The following CSRNP3 variants were observed in gnomAD, a reference collection of about 807,000 sequenced individuals.
The protein encoded by CSRNP3 is cysteine and serine rich nuclear protein 3, also known as cysteine/serine-rich nuclear protein 3.
Under a neutral mutation model 48.0 loss-of-function variants are expected in CSRNP3, and 12 were observed. The ratio of observed to expected loss-of-function variants is 0.25; its 90% CI spans 0.16 to 0.41. CSRNP3 has a LOEUF of 0.41. Among genes scored for constraint, CSRNP3 ranks in the 10% least tolerant of loss-of-function variants. The probability of loss-of-function intolerance (pLI) is 1.00; values close to 1 mark genes in which losing one functional copy is unlikely to be tolerated. For synonymous variants in CSRNP3, 263 were observed against 269.7 expected (o/e 0.98, Z 0.24); for missense variants, 580 against 724.4 (o/e 0.80, Z 2.29).
chr2:165,479,084 C>G (rs1400497955), intron 1 of CSRNP3, among the ~76,000 whole-genome samples: 1 of 152,134 alleles, frequency 6.6e-6, no homozygotes, highest in Non-Finnish European at 1.5e-5. Flanking sequence ...TCATAACCTA[C>G]TTTTTCTGTA....
rs140866100 is a variant in CSRNP3 at position 165,552,596 on chromosome 2, T to A, written c.-24+34635T>A. 3.2e-3 allele frequency among the ~76,000 whole-genome samples: 490 copies of A among 152,326 alleles called. 1 individual carries two copies. The highest frequency in any genetic ancestry group is 0.011 in the African/African-American group (477 of 41,570). On this transcript the variant is annotated intron_variant, in intron 3 of 6. Transcript: ENST00000651982. The stretch of plus-strand genomic sequence containing the variant: ...AAATTATCATTATCTTCTTAAACAG[T>A]CATCCTGAGACCCTCTATCACCTTC...
intron 4 of CSRNP3, among the ~76,000 whole-genome samples, chr2:165,642,928 G>A (rs773979178): frequency 6.6e-6 from 1 of 152,088 alleles, no homozygotes; most frequent in Non-Finnish European, 1.5e-5. Context: ...TAGAAACTCC[G>A]ATAAAGATTG....
intron 3 of CSRNP3, among the ~76,000 whole-genome samples, chr2:165,559,741 A>T (rs1359544587): frequency 6.8e-6 from 1 of 146,580 alleles, no homozygotes; most frequent in African/African-American, 2.5e-5. Context: ...GTATCTTCCT[A>T]TTCTATTTGT....
Position 165,682,958 on chromosome 2 carries a change from A to G in CSRNP3, c.*3205A>G, listed in dbSNP as rs1687571669. On this transcript the variant is annotated 3_prime_UTR_variant, in exon 7 of 7. Coordinates refer to ENST00000651982, the MANE Select transcript of CSRNP3 (RefSeq NM_001172173.2). ...CATTCACTATCAATTGCAAAGCTTC[A>G]TGCTCCAGCCCTGGCTATTCTAGTA... The G allele has an allele frequency of 6.6e-6, 1 of 152,154 alleles. No individual in the cohort carries two copies. The allele number at this position is 152,154 out of a possible 1,614,324, so 9.4% of individuals were successfully genotyped here.
intron 4 of CSRNP3, among the ~76,000 whole-genome samples, chr2:165,615,618 T>G (rs984857613): frequency 5.9e-5 from 9 of 152,152 alleles, no homozygotes; most frequent in African/African-American, 2.2e-4. Context: ...TATATAATGC[T>G]TTTGTCTCTT....
At chr2:165,521,311 C>G (rs937435417) in intron 3 of CSRNP3, among the ~76,000 whole-genome samples, 1 of 152,170 alleles carries the variant, frequency 6.6e-6, no homozygotes, top group African/African-American at 2.4e-5. Flanking sequence ...TTGTACTCAT[C>G]TGGAAACGTC....
rs1444804611 is a variant in CSRNP3, at chr2:165,676,614, G to T, written c.705+6G>T. 1 of 1,609,592 alleles carries T rather than the reference G, an allele frequency of 6.2e-7. No individual in the cohort carries two copies. The highest frequency in any genetic ancestry group is 1.7e-5 in the Admixed American group (1 of 59,934). On this transcript the variant is annotated splice_donor_region_variant and intron_variant, in intron 6 of 6. Coordinates refer to ENST00000651982, the MANE Select transcript of CSRNP3 (RefSeq NM_001172173.2). ...TGGCTGGCATTAAGTGCCAGGTAAG[G>T]GTTGGGAATTCAGGGCATCCAAAGA... is the stretch of plus-strand genomic sequence containing the variant.
At chr2:165,581,163 A>G (rs1321669470) in intron 3 of CSRNP3, among the ~76,000 whole-genome samples, 1 of 152,194 alleles carries the variant, frequency 6.6e-6, no homozygotes, top group Non-Finnish European at 1.5e-5. Flanking sequence ...CCACTATACC[A>G]TTTTGCCAAA....
chr2:165,560,011 G>A (rs1278152488), intron 3 of CSRNP3, among the ~76,000 whole-genome samples: 2 of 151,896 alleles, frequency 1.3e-5, no homozygotes, highest in African/African-American at 4.8e-5. Flanking sequence ...AAGTTAGCCA[G>A]GATGGTCTCG....
At chr2:165,599,299 A>AAGAAAGAAAGAAAG (rs1224583821) in intron 4 of CSRNP3, among the ~76,000 whole-genome samples, 3 of 148,834 alleles carry the variant, frequency 2.0e-5, no homozygotes, top group African/African-American at 7.4e-5. Flanking sequence ...GAAAGAAAGA[A>AAGAAAGAAAGAAAG]AGAAAGAAAG....
At chr2:165,519,833 A>G in intron 3 of CSRNP3, among the ~76,000 whole-genome samples, 1 of 152,138 alleles carries the variant, frequency 6.6e-6, no homozygotes, top group East Asian at 1.9e-4. Context: ...TACCATGGAG[A>G]AAAGGGAAAA....
intron 5 of CSRNP3, among the ~76,000 whole-genome samples, chr2:165,664,074 A>T (rs1427889689): frequency 1.3e-5 from 2 of 152,170 alleles, no homozygotes; most frequent in Non-Finnish European, 2.9e-5. Flanking sequence ...GGTTGTTGAA[A>T]TTCTCATAAG....
At chr2:165,525,039 A>G (rs899569819) in intron 3 of CSRNP3, among the ~76,000 whole-genome samples, 3 of 152,250 alleles carry the variant, frequency 2.0e-5, no homozygotes, top group South Asian at 4.1e-4. Flanking sequence ...CTAAATTTCT[A>G]CCAGCAAAGG....
chr2:165,526,263 G>A (rs920520958), intron 3 of CSRNP3, among the ~76,000 whole-genome samples: 4 of 152,062 alleles, frequency 2.6e-5, no homozygotes, highest in African/African-American at 7.2e-5. Flanking sequence ...CTACAAAAAA[G>A]CCTGCTGAGA....
intron 3 of CSRNP3, among the ~76,000 whole-genome samples, chr2:165,554,893 TC>T (rs1685142283): frequency 6.6e-6 from 1 of 152,198 alleles, no homozygotes; most frequent in African/African-American, 2.4e-5. Context: ...CTGCTGATTT[TC>T]TCACTTCCCC....
chr2:165,677,169 A>G (rs963482959), intron 6 of CSRNP3, among the ~76,000 whole-genome samples: 2 of 152,198 alleles, frequency 1.3e-5, no homozygotes, highest in African/African-American at 4.8e-5. Flanking sequence ...AGGGGTTGGC[A>G]CCCTATAAGT....
intron 3 of CSRNP3, among the ~76,000 whole-genome samples, chr2:165,584,923 T>C (rs1685603156): frequency 6.6e-6 from 1 of 152,156 alleles, no homozygotes; most frequent in African/African-American, 2.4e-5. Flanking sequence ...TCATAATGTT[T>C]TAAGAAAGTT....
chr2:165,628,354 A>G (rs373913249), intron 4 of CSRNP3, among the ~76,000 whole-genome samples: 5 of 152,202 alleles, frequency 3.3e-5, no homozygotes, highest in Non-Finnish European at 5.9e-5. Flanking sequence ...CAGGTTTTCA[A>G]TTGCTTTCTG....
chr2:165,678,442 G>A (rs987008310), intron 6 of CSRNP3, among the ~76,000 whole-genome samples: 1 of 151,920 alleles, frequency 6.6e-6, no homozygotes, highest in Admixed American at 6.6e-5. Flanking sequence ...CCATGGAGTG[G>A]GTCAGTGAAC....
Sources: allele counts gnomAD v4.1 joint callset (sites outside exome capture counted in the v4.1 genomes callset), GRCh38; gene constraint gnomAD v4.1.1; transcripts MANE v1.5; gene names NCBI Gene and HGNC (gene_info 2026-07-23, HGNC 2026-07-21).